The following PHF10 variants were observed in gnomAD, a reference collection of about 807,000 sequenced individuals.
The protein encoded by PHF10 is PHD finger protein 10, also known as BRG1-associated factor 45a.
PHF10 carries 51 observed loss-of-function variants against 68.5 expected under a neutral mutation model. That is an observed-to-expected ratio of 0.74 (90% CI 0.59 to 0.94). The LOEUF (loss-of-function observed/expected upper bound fraction) is 0.94. Ranked by LOEUF, PHF10 falls within the 40% of genes least tolerant of loss-of-function variation. PHF10 has a pLI of 0.00. For synonymous variants in PHF10, 204 were observed against 203.5 expected, an observed-to-expected ratio of 1.00 and a Z score of -0.02; for missense variants, 460 against 602.6, an observed-to-expected ratio of 0.76 and a Z score of 2.48.
chr6:169,718,688 C>A, intron 3 of PHF10, 100 bp downstream of exon 3: 1 of 739,472 alleles, frequency 1.4e-6, no homozygotes, highest in Non-Finnish European at 2.1e-6. Context: ...ACAGCAAGCA[C>A]AAGAATATAA....
At chr6:169,717,959 G>A (rs1789090205) in intron 3 of PHF10, 53 bp from the exon 4 acceptor site, 1 of 792,386 alleles carries the variant, frequency 1.3e-6, no homozygotes. Context: ...TTATGCACTT[G>A]TAAAACTTTT....
intron 11 of PHF10, 21 bp downstream of exon 11, chr6:169,705,112 T>G: frequency 6.4e-7 from 1 of 1,565,286 alleles, no homozygotes; most frequent in Non-Finnish European, 8.7e-7. Flanking sequence ...AGATAATGTT[T>G]GCTCTTTTTT....
intron 1 of PHF10, among the ~76,000 whole-genome samples, chr6:169,723,533 G>C (rs372153305): frequency 1.3e-5 from 2 of 152,196 alleles, no homozygotes; most frequent in East Asian, 3.9e-4. Flanking sequence ...CAACTCTCTC[G>C]GCCCCGGGCG....
intron 1 of PHF10, among the ~76,000 whole-genome samples, chr6:169,722,000 T>C (rs187063664): frequency 6.6e-6 from 1 of 152,342 alleles, no homozygotes; most frequent in East Asian, 1.9e-4. Flanking sequence ...CACTGGGCAC[T>C]GTCCCTCACT....
intron 7 of PHF10, among the ~76,000 whole-genome samples, chr6:169,713,873 G>A (rs1021835039): frequency 3.3e-5 from 5 of 151,924 alleles, no homozygotes; most frequent in Admixed American, 6.6e-5. Flanking sequence ...CCTTTAATCC[G>A]AGTACTTTGG....
intron 4 of PHF10, 49 bp downstream of exon 4, chr6:169,717,774 T>G: frequency 1.3e-6 from 1 of 768,870 alleles, no homozygotes; most frequent in Non-Finnish European, 2.3e-6. Flanking sequence ...TCTAGTATTA[T>G]CTCATAAATG....
rs1435036454 is a variant in PHF10 at position 169,710,395 on chromosome 6, G to C, written c.958-4C>G. On this transcript the variant is annotated splice_polypyrimidine_tract_variant and splice_region_variant and intron_variant, in intron 8 of 11. Transcript: ENST00000339209. ...ATACATTGCCAGAGGAGCTGTCCTG[G>C]AGTTTAAAAGGCAAAAACAAAGATT... 1 of 1,606,862 alleles carries C rather than the reference G, an allele frequency of 6.2e-7. No homozygotes were observed. The highest frequency in any genetic ancestry group is 1.1e-5 in the South Asian group (1 of 89,990).
rs1441661583 is a variant in PHF10 at position 169,721,111 on chromosome 6, C to T, written c.88G>A (p.Asp30Asn). ...PATPGAQSPK[D>N]DNEDNSNDGT... ...TCATTTGAATTATCTTCATTATCAT[C>T]CTATACATTTAAAAGATTCAAAAAT... Residue 30 changes from aspartate (D) to asparagine (N), a missense_variant and splice_region_variant, in exon 2 of 12, where the codon GAT becomes AAT. Asp to Asn is a conservative substitution (Grantham distance 23). This residue lies in a region of PHF10 where 93 missense variants were observed against 82.4 expected (regional missense o/e 1.13). Transcript: ENST00000339209. 1.4e-6 allele frequency: 2 copies of T among 1,450,818 alleles called. No individual in the cohort carries two copies. The highest frequency in any genetic ancestry group is 1.9e-6 in the Non-Finnish European group (2 of 1,058,066). The allele number at this position is 1,450,818 out of a possible 1,614,324, so 89.9% of individuals were successfully genotyped here.
chr6:169,723,828 A>G lies in PHF10; in HGVS notation c.87+17T>C. The G allele has an allele frequency of 1.0e-6, 1 of 973,350 alleles. No homozygotes were observed. The highest frequency in any genetic ancestry group is 1.3e-6 in the Non-Finnish European group (1 of 781,330). The allele number at this position is 973,350 out of a possible 1,614,324, so 60.3% of individuals were successfully genotyped here. A position where few individuals can be genotyped will look rare whatever the true frequency, so the allele number is the denominator to read the frequency against. ...CGGGACGGGGTCAGGGTCGGGTCGC[A>G]CCGGCCGCTTCCTCACCTTCGGGGA... On this transcript the variant is annotated intron_variant, in intron 1 of 11. Transcript: ENST00000339209.
In PHF10 at chr6:169,717,686, G is replaced by A. The variant is rs187791788; in HGVS notation, c.409+137C>T. Reference sequence around the variant, plus strand: ...GTGTATTTTAACAATAATCAAAAATGAAGTAAATAATGTAGCATTTAAATA... The same window carrying A: ...GTGTATTTTAACAATAATCAAAAATAAAGTAAATAATGTAGCATTTAAATA... On this transcript the variant is annotated intron_variant, in intron 4 of 11. Transcript: ENST00000339209. 4.1e-5 allele frequency: 23 copies of A among 564,308 alleles called. No individual in the cohort carries two copies. The African/African-American group carries it at 4.3e-4, about 11-fold the overall frequency. The allele number at this position is 564,308 out of a possible 1,614,324, so 35.0% of individuals were successfully genotyped here.
rs776531112 is a variant in PHF10, at chr6:169,704,098, A to C, written c.1412-10T>G. On this transcript the variant is annotated splice_polypyrimidine_tract_variant and intron_variant, in intron 11 of 11. Transcript: ENST00000339209. ...TCACAAATCCAGCGACCTAGGAAAA[A>C]AATTGTTAATATAGAATGAAAAATT... 1.9e-6 allele frequency: 3 copies of C among 1,573,392 alleles called. No individual in the cohort carries two copies. In the South Asian group the frequency reaches 3.6e-5, roughly 19 times the overall value.
In PHF10 at chr6:169,721,056, A is replaced by T; in HGVS notation, c.143T>A (p.Met48Lys). 1 of 1,548,052 alleles carries T rather than the reference A, an allele frequency of 6.5e-7. No homozygotes were observed. Among genetic ancestry groups the T allele is most frequent in the Admixed American group, 2.0e-5 (1 of 51,004 alleles). Residue 48 changes from methionine to lysine, a missense_variant, in exon 2 of 12, where the codon ATG (methionine) becomes AAG (lysine). Physicochemically the swap from Met to Lys is moderately conservative, Grantham distance 95. Around this residue, in one of 3 missense-constraint regions of PHF10, gnomAD observed 93 missense variants for 82.4 expected, o/e 1.13. Transcript: ENST00000339209. ...ACTCCTAGAACTATCTCCTGAGCCCATTCGCCTCCTTTTGGATGGCTGGGT... is the reference window on the plus strand; with the variant it reads ...ACTCCTAGAACTATCTCCTGAGCCCTTTCGCCTCCTTTTGGATGGCTGGGT... ...DGTQPSKRRR[M>K]GSGDSSRSCE...
At position 169,714,854 on chromosome 6, in the gene PHF10, T is replaced by G. The variant is rs757657306; in HGVS notation, c.694-12A>C. 3.1e-6 allele frequency: 4 copies of G among 1,310,876 alleles called. No individual in the cohort carries two copies. The highest frequency in any genetic ancestry group is 4.4e-6 in the Non-Finnish European group (4 of 903,378). The allele number at this position is 1,310,876 out of a possible 1,614,324, so 81.2% of individuals were successfully genotyped here. ...GGTACCTGGATAACCTACGTTAACA[T>G]AAAGAGAAACACAAAACTGATTCCA... On this transcript the variant is annotated splice_polypyrimidine_tract_variant and intron_variant, in intron 6 of 11. Transcript: ENST00000339209.
intron 11 of PHF10, 77 bp from the exon 12 acceptor site, chr6:169,704,165 G>T (rs893110101): frequency 1.9e-6 from 2 of 1,051,182 alleles, no homozygotes; most frequent in Non-Finnish European, 2.7e-6. Context: ...AAACTCTTCT[G>T]CCTTAGCTAT....
chr6:169,706,398 A>T (rs531356056), intron 9 of PHF10, among the ~76,000 whole-genome samples: 2 of 152,338 alleles, frequency 1.3e-5, no homozygotes, highest in East Asian at 3.9e-4. Context: ...GGGAAAAATA[A>T]GTTTTCAGAC....
chr6:169,706,632 C>T (rs1788797957), intron 9 of PHF10, among the ~76,000 whole-genome samples: 2 of 151,884 alleles, frequency 1.3e-5, no homozygotes, highest in African/African-American at 4.8e-5. Context: ...ATGACGTTCA[C>T]TCATGCTATA....
intron 4 of PHF10, among the ~76,000 whole-genome samples, chr6:169,716,446 T>C (rs1345785277): frequency 6.6e-6 from 1 of 151,434 alleles, no homozygotes; most frequent in African/African-American, 2.4e-5. Context: ...AAAAAAAAAT[T>C]CAACATATTA....
Position 169,720,563 on chromosome 6 carries a change from A to G in PHF10, c.194+442T>C, listed in dbSNP as rs1266868285. 2.0e-5 allele frequency among the ~76,000 whole-genome samples: 3 copies of G among 152,186 alleles called. No homozygotes were observed. The South Asian group carries it at 6.2e-4, about 32-fold the overall frequency. On this transcript the variant is annotated intron_variant, in intron 2 of 11. Transcript: ENST00000339209. ...ATAAGCCAGCCACAAAAGGACAAAT[A>G]TTTTATGGTTCCACTTATATGAAGT...
rs531597325 is a variant in PHF10 at position 169,706,907 on chromosome 6, T to C, written c.1114-1183A>G. The C allele has an allele frequency of 3.3e-5, 5 of 152,240 alleles. No homozygotes were observed. In the East Asian group the frequency reaches 9.7e-4, roughly 29 times the overall value. 9.4% of individuals were successfully genotyped at this position (152,240 alleles called of 1,614,324 possible). On this transcript the variant is annotated intron_variant, in intron 9 of 11. Coordinates refer to ENST00000339209, the MANE Select transcript of PHF10 (RefSeq NM_018288.4). ...AGGAACCTAAACAAAACTCAAACGT[T>C]GTATATATTCCAGCTTTGAAATGTC...
Sources: allele counts gnomAD v4.1 joint callset (sites outside exome capture counted in the v4.1 genomes callset), GRCh38; gene constraint gnomAD v4.1.1; regional missense constraint gnomAD v4.1.1; transcripts MANE v1.5; gene names NCBI Gene and HGNC (gene_info 2026-07-23, HGNC 2026-07-21).